Variants in IQSEC3 observed in about 807,000 individuals in gnomAD.
IQSEC3 encodes IQ motif and Sec7 domain ArfGEF 3.
In IQSEC3, 50 loss-of-function variants were observed where a neutral mutation model predicts 105.4. The ratio of observed to expected loss-of-function variants is 0.47; its 90% CI spans 0.38 to 0.60. The LOEUF (loss-of-function observed/expected upper bound fraction) is 0.60. IQSEC3 is among the 20% of genes least tolerant of loss of function. The pLI is 0.00. For synonymous variants in IQSEC3, 708 were observed against 746.0 expected (o/e 0.95, Z 0.83); for missense variants, 1,415 against 1,630.0 (o/e 0.87, Z 2.27).
chr12:134,039 G>A (rs781830098), intron 3 of IQSEC3, among the ~76,000 whole-genome samples: 15 of 152,274 alleles, frequency 9.9e-5, no homozygotes, highest in Non-Finnish European at 2.1e-4. Context: ...CTGTGGCCAG[G>A]TGCAAAGCTG....
rs940670329 is a variant in IQSEC3 at position 139,246 on chromosome 12, G to A, written c.1883G>A (p.Ser628Asn). 1 of 1,608,642 alleles carries A rather than the reference G, an allele frequency of 6.2e-7. No individual in the cohort carries two copies. The highest frequency in any genetic ancestry group is 8.5e-7 in the Non-Finnish European group (1 of 1,178,334). ...GACGCCCTGCAGGCCATGATCCTGA[G>A]CCTGCCGCGCTACCACTGCGAGAAC... The part of the protein sequence containing the change: ...SKDALQAMIL[S>N]LPRYHCENPA... Residue 628 changes from serine (S) to asparagine (N), a missense_variant, in exon 4 of 14, where the codon AGC becomes AAC. By Grantham distance (46) the Ser-to-Asn change is conservative (BLOSUM62 1). Coordinates refer to ENST00000538872, the MANE Select transcript of IQSEC3 (RefSeq NM_001170738.2).
chr12:157,491 G>GC, intron 6 of IQSEC3, 37 bp from the exon 7 acceptor site: 1 of 1,005,440 alleles, frequency 9.9e-7, no homozygotes, highest in Non-Finnish European at 1.4e-6. Flanking sequence ...GGGTGGGCGG[G>GC]GGCTCAGCGT....
chr12:166,145 G>A, intron 11 of IQSEC3: 2 of 475,842 alleles, frequency 4.2e-6, no homozygotes, highest in South Asian at 4.0e-5. Flanking sequence ...GGCTGCGCGT[G>A]GGCCTCTTGG....
At chr12:114,576 G>A (rs144658415) in intron 2 of IQSEC3, among the ~76,000 whole-genome samples, 28 of 152,352 alleles carry the variant, frequency 1.8e-4, no homozygotes, top group Non-Finnish European at 2.4e-4. Context: ...AGACCCGGAT[G>A]AATGTCAATC....
chr12:141,015 C>A, intron 4 of IQSEC3, 109 bp from the exon 5 acceptor site: 1 of 1,149,522 alleles, frequency 8.7e-7, no homozygotes, highest in South Asian at 1.5e-5. Flanking sequence ...CAATGGGGAA[C>A]TGGATTTCCA....
intron 9 of IQSEC3, chr12:164,697 T>G (rs1354748946): frequency 6.6e-6 from 1 of 152,274 alleles, no homozygotes; most frequent in Non-Finnish European, 1.5e-5. Context: ...ATAAGCACCT[T>G]AAGGGCAGGG....
intron 2 of IQSEC3, among the ~76,000 whole-genome samples, chr12:100,562 G>A (rs187739963): frequency 5.3e-5 from 8 of 152,246 alleles, no homozygotes; most frequent in Admixed American, 6.5e-5. Flanking sequence ...AGGAGGACTC[G>A]GAGAGGCCAC....
intron 2 of IQSEC3, among the ~76,000 whole-genome samples, chr12:103,528 A>G (rs868948149): frequency 1.6e-3 from 3 of 1,854 alleles, no homozygotes; most frequent in African/African-American, 9.6e-3. Flanking sequence ...GGGAGGTGGG[A>G]CTCAGGAGGG....
At chr12:116,774 A>G (rs1865062759) in intron 2 of IQSEC3, among the ~76,000 whole-genome samples, 1 of 152,160 alleles carries the variant, frequency 6.6e-6, no homozygotes, top group African/African-American at 2.4e-5. Context: ...TCCCACGAGG[A>G]TGGCTGTGCA....
At position 125,738 on chromosome 12, in the gene IQSEC3, C is replaced by T; in HGVS notation, c.729C>T (p.Ala243=). The T allele has an allele frequency of 6.6e-7, 1 of 1,523,846 alleles. No individual in the cohort carries two copies. The highest frequency in any genetic ancestry group is 8.7e-7 in the Non-Finnish European group (1 of 1,144,308). 94.4% of individuals were successfully genotyped at this position (1,523,846 alleles called of 1,614,324 possible). The change falls in exon 3 of 14, where the codon GCC becomes GCT. Residue 243 remains alanine, a synonymous_variant. Coordinates refer to ENST00000538872, the MANE Select transcript of IQSEC3 (RefSeq NM_001170738.2). ...RPSAHAPKAQ[A]QELQEEEERP... ...GTGCCCATGCCCCGAAGGCTCAAGC[C>T]CAGGAGCTGCAGGAGGAGGAGGAGC...
intron 2 of IQSEC3, among the ~76,000 whole-genome samples, chr12:120,284 G>T (rs577144549): frequency 1.3e-5 from 2 of 152,204 alleles, no homozygotes; most frequent in African/African-American, 2.4e-5. Flanking sequence ...TGGATGGAAG[G>T]CATCTCCAGC....
intron 2 of IQSEC3, among the ~76,000 whole-genome samples, chr12:121,708 A>AC (rs1183727877): frequency 4.0e-5 from 6 of 151,226 alleles, no homozygotes; most frequent in Admixed American, 1.3e-4. Flanking sequence ...TGTTGAGAAC[A>AC]CCCCCCCGCT....
rs1555077354 is a variant in IQSEC3 at position 104,558 on chromosome 12, T to TA, written c.623+5344_623+5345insA. On this transcript the variant is annotated intron_variant, in intron 2 of 13. Transcript: ENST00000538872. ...GTTTTACGTCCTTCCCACGCCCATT[T>TA]TAAAAAAAAAAGATTTTGTAGTCTG... is the stretch of plus-strand genomic sequence containing the variant. Among the ~76,000 whole-genome samples, 444 of 136,144 alleles carry TA rather than the reference T, an allele frequency of 3.3e-3. 1 individual carries two copies. Among genetic ancestry groups the TA allele is most frequent in the Non-Finnish European group, 5.1e-3 (318 of 62,088 alleles). The allele number at this position is 136,144 out of a possible 152,430, so 89.3% of individuals were successfully genotyped here. A position where few individuals can be genotyped will look rare whatever the true frequency, so the allele number is the denominator to read the frequency against.
chr12:82,619 A>C (rs1863784124), intron 1 of IQSEC3, among the ~76,000 whole-genome samples: 1 of 152,182 alleles, frequency 6.6e-6, no homozygotes, highest in Non-Finnish European at 1.5e-5. Flanking sequence ...CCTGGAGGAA[A>C]GTCATCATTT....
intron 2 of IQSEC3, among the ~76,000 whole-genome samples, chr12:118,698 C>T (rs1423962667): frequency 1.3e-5 from 2 of 152,224 alleles, no homozygotes; most frequent in African/African-American, 4.8e-5. Flanking sequence ...CAGCAGACTC[C>T]CTCAGGGGCT....
At chr12:104,962 C>A (rs1355105597) in intron 2 of IQSEC3, among the ~76,000 whole-genome samples, 2 of 152,388 alleles carry the variant, frequency 1.3e-5, no homozygotes, top group African/African-American at 4.8e-5. Context: ...CGCGGCCTCA[C>A]GTGCCTGCTC....
intron 3 of IQSEC3, among the ~76,000 whole-genome samples, chr12:134,394 G>T (rs1395481200): frequency 2.6e-5 from 4 of 152,226 alleles, no homozygotes; most frequent in African/African-American, 9.6e-5. Context: ...GTAGTACACG[G>T]AGTCTCCTAG....
At position 171,415 on chromosome 12, in the gene IQSEC3, C is replaced by T; in HGVS notation, c.3114+254C>T. On this transcript the variant is annotated intron_variant, in intron 13 of 13. Coordinates refer to ENST00000538872, the MANE Select transcript of IQSEC3 (RefSeq NM_001170738.2). Reference sequence around the variant, plus strand: ...TGCCCTCCGAGGCCGAGCTCCCAGACTAACACAGTGGAGACGGAGCTCACG... The same window carrying T: ...TGCCCTCCGAGGCCGAGCTCCCAGATTAACACAGTGGAGACGGAGCTCACG... 4.1e-6 allele frequency: 5 copies of T among 1,220,966 alleles called. No individual in the cohort carries two copies. In the East Asian group the frequency reaches 1.2e-4, roughly 28 times the overall value. 75.6% of individuals were successfully genotyped at this position (1,220,966 alleles called of 1,614,324 possible).
Position 125,807 on chromosome 12 carries a change from C to A in IQSEC3, c.798C>A (p.His266Gln). 6.6e-7 allele frequency: 1 copy of A among 1,526,576 alleles called. No homozygotes were observed. The highest frequency in any genetic ancestry group is 8.7e-7 in the Non-Finnish European group (1 of 1,143,204). 94.6% of individuals were successfully genotyped at this position (1,526,576 alleles called of 1,614,324 possible). A position where few individuals can be genotyped will look rare whatever the true frequency, so the allele number is the denominator to read the frequency against. Residue 266 changes from histidine to glutamine, a missense_variant, in exon 3 of 14, where the codon CAC becomes CAA. Around this residue, in one of 6 missense-constraint regions of IQSEC3, gnomAD observed 720 missense variants for 633.0 expected, o/e 1.14. Transcript: ENST00000538872. ...GAASPRAGPQ[H>Q]KASPGRQQPA... ...CCTCCCCAAGGGCTGGCCCCCAGCA[C>A]AAGGCCTCCCCCGGCCGGCAGCAGC...
Sources: gnomAD v4.1 joint callset for allele counts (sites outside exome capture counted in the v4.1 genomes callset) on GRCh38, gnomAD v4.1.1 for gene constraint, gnomAD v4.1.1 regional missense constraint, MANE v1.5 for transcripts, NCBI Gene and HGNC (gene_info 2026-07-23, HGNC 2026-07-21) for gene names.